PLCG2: variants seen among roughly 807,000 people sequenced by gnomAD.
The protein encoded by PLCG2 is phospholipase C gamma 2, also known as 1-phosphatidylinositol 4,5-bisphosphate phosphodiesterase gamma-2.
Under a neutral mutation model 175.6 loss-of-function variants are expected in PLCG2, and 69 were observed. That is an observed-to-expected ratio of 0.39 (90% CI 0.32 to 0.48). The LOEUF (loss-of-function observed/expected upper bound fraction) is 0.48. PLCG2 is among the 20% of genes least tolerant of loss of function. The probability of loss-of-function intolerance (pLI) is 0.91; values close to 1 mark genes in which losing one functional copy is unlikely to be tolerated. For missense variants in PLCG2, 1,798 were observed against 1,650.9 expected (o/e 1.09, Z -1.54); for synonymous variants, 827 against 624.0 (o/e 1.33, Z -4.85).
intron 21 of PLCG2, among the ~76,000 whole-genome samples, chr16:81,923,043 C>G (rs1280895164): frequency 2.6e-5 from 4 of 152,124 alleles, no homozygotes; most frequent in African/African-American, 4.8e-5. Flanking sequence ...ATGGGGTTGC[C>G]CTTGAGCTTC....
chr16:81,881,111 G>C (rs538834011), intron 8 of PLCG2, among the ~76,000 whole-genome samples, 158 bp downstream of exon 8: 3 of 152,242 alleles, frequency 2.0e-5, no homozygotes, highest in Non-Finnish European at 2.9e-5. Context: ...TGCCTGTGGC[G>C]TGGATAGAGA....
intron 15 of PLCG2, among the ~76,000 whole-genome samples, 161 bp from the exon 16 acceptor site, chr16:81,907,524 C>A (rs1035719924): frequency 1.3e-5 from 2 of 152,148 alleles, no homozygotes; most frequent in Non-Finnish European, 2.9e-5. Context: ...AAAGAAATGC[C>A]TTGTAAGGAA....
chr16:81,785,408 C>T (rs1567462640), intron 1 of PLCG2, among the ~76,000 whole-genome samples: 1 of 152,270 alleles, frequency 6.6e-6, no homozygotes. Flanking sequence ...ACATTTCCTG[C>T]CTTTCATCCT....
Position 81,908,553 on chromosome 16 carries a change from G to C in PLCG2, c.1695G>C (p.Glu565Asp), listed in dbSNP as rs375590398. 1.5e-4 allele frequency: 246 copies of C among 1,612,758 alleles called. No homozygotes were observed. Among genetic ancestry groups the C allele is most frequent in the Non-Finnish European group, 1.9e-4 (229 of 1,179,896 alleles). ...GGKDGTFLVR[E>D]SETFPNDYTL... ...AGGATGGCACCTTCCTGGTTCGGGA[G>C]AGCGAGACCTTCCCCAATGACTACA... Residue 565 changes from glutamate to aspartate, a missense_variant, in exon 17 of 33, where the codon GAG becomes GAC. Coordinates refer to ENST00000564138, the MANE Select transcript of PLCG2 (RefSeq NM_002661.5).
chr16:81,805,953 A>G lies in PLCG2; in HGVS notation c.193+19771A>G, dbSNP rs114623928. Among the ~76,000 whole-genome samples, 1,110 of 151,996 alleles carry G rather than the reference A, an allele frequency of 7.3e-3. 10 individuals are homozygous for G. The highest frequency in any genetic ancestry group is 0.026 in the African/African-American group (1,081 of 41,456). ...CTGTACGCAGTCATGTGTGTAGTTT[A>G]AAGTTTTCTAGTTGCCACATTCATA... is the stretch of plus-strand genomic sequence containing the variant. On this transcript the variant is annotated intron_variant, in intron 2 of 32. Transcript: ENST00000564138.
intron 2 of PLCG2, among the ~76,000 whole-genome samples, chr16:81,848,096 C>G (rs995888797): frequency 6.6e-6 from 1 of 152,166 alleles, no homozygotes; most frequent in African/African-American, 2.4e-5. Context: ...CTCTAACGTT[C>G]CAGTAATCAG....
rs1169164344 is a variant in PLCG2 at position 81,884,368 on chromosome 16, A to G, written c.765+1027A>G. Among the ~76,000 whole-genome samples the G allele has an allele frequency of 2.0e-5, 3 of 151,796 alleles. No individual in the cohort carries two copies. In the East Asian group the frequency reaches 5.8e-4, roughly 29 times the overall value. On this transcript the variant is annotated intron_variant, in intron 9 of 32. Coordinates refer to ENST00000564138, the MANE Select transcript of PLCG2 (RefSeq NM_002661.5). ...TCCGTCTCAGAAAACAAAAAACAAA[A>G]ACACCCCCACCCCACCAAAAAAAAA...
At chr16:81,808,166 T>C (rs1904290431) in intron 2 of PLCG2, among the ~76,000 whole-genome samples, 1 of 152,234 alleles carries the variant, frequency 6.6e-6, no homozygotes, top group South Asian at 2.1e-4. Context: ...AGGAGTGGAA[T>C]TGCTGGGCCA....
Position 81,912,694 on chromosome 16 carries a change from G to A in PLCG2, c.2032G>A (p.Asp678Asn), listed in dbSNP as rs541071022. The change falls in exon 19 of 33, where the codon GAC (aspartate) becomes AAC (asparagine). Residue 678 changes from aspartate (D) to asparagine (N), a missense_variant. Coordinates refer to ENST00000564138, the MANE Select transcript of PLCG2 (RefSeq NM_002661.5). ...AFLIRKREGS[D>N]SYAITFRARG... is the part of the protein sequence containing the mutation. ...CCTGATCCGGAAGCGAGAGGGGAGCGACTCCTATGCCATCACCTTCAGGTG... is the reference window on the plus strand; with the variant it reads ...CCTGATCCGGAAGCGAGAGGGGAGCAACTCCTATGCCATCACCTTCAGGTG... The A allele has an allele frequency of 1.4e-4, 220 of 1,610,100 alleles. No individual in the cohort carries two copies. The South Asian group carries it at 2.0e-3, about 14-fold the overall frequency.
At chr16:81,897,429 G>C (rs1226696825) in intron 13 of PLCG2, among the ~76,000 whole-genome samples, 1 of 152,154 alleles carries the variant, frequency 6.6e-6, no homozygotes, top group Non-Finnish European at 1.5e-5. Context: ...TCACAGGGCG[G>C]TTGTGATGAT....
intron 2 of PLCG2, among the ~76,000 whole-genome samples, chr16:81,761,398 A>C (rs939457883): frequency 2.0e-5 from 3 of 152,220 alleles, no homozygotes; most frequent in African/African-American, 7.2e-5. Flanking sequence ...TAATACTTAA[A>C]TGTAAGTGTA....
At chr16:81,777,377 AAC>A (rs1270728948), upstream of PLCG2, among the ~76,000 whole-genome samples, 1 of 151,992 alleles carries the variant, frequency 6.6e-6, no homozygotes, top group African/African-American at 2.4e-5. Flanking sequence ...TACTTTATAT[AAC>A]ACATACTAAA....
At chr16:81,791,330 A>G (rs937045754) in intron 2 of PLCG2, among the ~76,000 whole-genome samples, 4 of 152,104 alleles carry the variant, frequency 2.6e-5, no homozygotes, top group African/African-American at 9.7e-5. Flanking sequence ...GAGATTTGCT[A>G]GATGGTTAGC....
chr16:81,789,489 A>T (rs889882264), intron 2 of PLCG2, among the ~76,000 whole-genome samples: 23 of 151,790 alleles, frequency 1.5e-4, no homozygotes, highest in Non-Finnish European at 2.4e-4. Context: ...GGGTCTTGCT[A>T]TGTTGCCGAG....
intron 1 of PLCG2, among the ~76,000 whole-genome samples, chr16:81,752,408 C>T (rs946747335): frequency 2.6e-5 from 4 of 152,328 alleles, no homozygotes; most frequent in Admixed American, 2.6e-4. Flanking sequence ...TTAAGGCTCT[C>T]TCTTGCTGGC....
intron 5 of PLCG2, among the ~76,000 whole-genome samples, chr16:81,864,005 T>C (rs972686677): frequency 6.6e-6 from 1 of 152,222 alleles, no homozygotes; most frequent in Non-Finnish European, 1.5e-5. Context: ...ATTCGGGTTT[T>C]ACTGTTCTGG....
chr16:81,956,865 G>C lies in PLCG2; in HGVS notation c.3741G>C (p.Glu1247Asp). The change falls in exon 32 of 33, where the codon GAG (glutamate) becomes GAC (aspartate). Residue 1247 changes from glutamate to aspartate, a missense_variant. Transcript: ENST00000564138. ...VNENQLQLYQ[E>D]KCNKRLREKR... ...AGAACCAGCTCCAGCTGTACCAGGA[G>C]AAATGCAACAAGAGGTAGGTCAGCC... is the stretch of plus-strand genomic sequence containing the variant. 1.2e-6 allele frequency: 2 copies of C among 1,613,618 alleles called. No individual in the cohort carries two copies. Among genetic ancestry groups the C allele is most frequent in the Non-Finnish European group, 1.7e-6 (2 of 1,179,706 alleles).
intron 2 of PLCG2, among the ~76,000 whole-genome samples, chr16:81,816,642 C>G (rs1904560440): frequency 9.9e-6 from 1 of 101,520 alleles, no homozygotes; most frequent in Non-Finnish European, 1.8e-5. Flanking sequence ...CCATGCCCAG[C>G]TAATTTTAAT....
At chr16:81,840,977 C>T (rs1451469915) in intron 2 of PLCG2, among the ~76,000 whole-genome samples, 1 of 152,152 alleles carries the variant, frequency 6.6e-6, no homozygotes, top group African/African-American at 2.4e-5. Flanking sequence ...TCCCCAGTAT[C>T]ACTTAAAACT....
Sources: gnomAD v4.1 joint callset for allele counts (sites outside exome capture counted in the v4.1 genomes callset) on GRCh38, gnomAD v4.1.1 for gene constraint, MANE v1.5 for transcripts, NCBI Gene and HGNC (gene_info 2026-07-23, HGNC 2026-07-21) for gene names.